The following MOCS1 variants were observed in gnomAD, a reference collection of about 807,000 sequenced individuals.
MOCS1 encodes the protein molybdenum cofactor biosynthesis protein 1.
In MOCS1, 39 loss-of-function variants were observed where a neutral mutation model predicts 57.6. The observed-to-expected ratio is 0.68, with a 90% CI of 0.52 to 0.88. The LOEUF is 0.88. MOCS1 is among the 40% of genes least tolerant of loss of function. MOCS1 has a pLI of 0.00. For synonymous variants in MOCS1, 334 were observed against 335.7 expected, an observed-to-expected ratio of 1.00 and a Z score of 0.05; for missense variants, 795 against 831.1, an observed-to-expected ratio of 0.96 and a Z score of 0.53.
chr6:39,933,617 C>G (rs974746618), intron 1 of MOCS1, among the ~76,000 whole-genome samples: 2 of 152,112 alleles, frequency 1.3e-5, no homozygotes, highest in Non-Finnish European at 2.9e-5. Context: ...ACAACCAAAA[C>G]CTAAAACTTT....
chr6:39,921,003 C>A (rs1316119282), intron 3 of MOCS1, among the ~76,000 whole-genome samples: 2 of 148,112 alleles, frequency 1.4e-5, no homozygotes, highest in Non-Finnish European at 3.0e-5. Context: ...GGGGACAGGG[C>A]AGCAAGAAAA....
intron 8 of MOCS1, among the ~76,000 whole-genome samples, chr6:39,911,606 C>T (rs138153299): frequency 1.3e-5 from 2 of 152,280 alleles, no homozygotes; most frequent in African/African-American, 4.8e-5. Context: ...GTAGTCTTCC[C>T]ATAGCTGACT....
chr6:39,912,431 A>C, intron 7 of MOCS1, 57 bp from the exon 8 acceptor site: 1 of 1,218,644 alleles, frequency 8.2e-7, no homozygotes, highest in Non-Finnish European at 1.2e-6. Flanking sequence ...TACTGAGCCC[A>C]GTTTCTCACT....
At chr6:39,907,236 A>G in intron 10 of MOCS1, 119 bp from the exon 11 acceptor site, 1 of 1,111,452 alleles carries the variant, frequency 9.0e-7, no homozygotes, top group Non-Finnish European at 1.2e-6. Flanking sequence ...CCGGGGAAAG[A>G]GGAATGAAGA....
At chr6:39,915,963 G>A in intron 4 of MOCS1, 105 bp downstream of exon 4, 12 of 1,290,028 alleles carry the variant, frequency 9.3e-6, no homozygotes, top group Non-Finnish European at 1.3e-5. Context: ...TGATAGCCCA[G>A]ACACCAAGAG....
At chr6:39,907,327 AC>A (rs36056066) in intron 10 of MOCS1, among the ~76,000 whole-genome samples, 19,381 of 151,888 alleles carry the variant, frequency 0.13, 1,582 homozygotes, top group East Asian at 0.23. Flanking sequence ...AGCCCTTCTC[AC>A]CCAGTGATGT....
chr6:39,927,597 TG>T, intron 1 of MOCS1, 142 bp from the exon 2 acceptor site: 2 of 1,604,240 alleles, frequency 1.2e-6, no homozygotes. Flanking sequence ...TCTGCAATGT[TG>T]GGGAAGCTGG....
At chr6:39,931,055 T>G (rs536047954) in intron 1 of MOCS1, among the ~76,000 whole-genome samples, 2 of 152,294 alleles carry the variant, frequency 1.3e-5, no homozygotes, top group East Asian at 3.9e-4. Context: ...TAACAGCAGA[T>G]GGCCAGAGGC....
rs1261423504 is a variant in MOCS1 at position 39,934,367 on chromosome 6, G to T, written c.51C>A (p.Ser17Arg). Residue 17 changes from serine to arginine, a missense_variant, in exon 1 of 11, where the codon AGC becomes AGA. Coordinates refer to ENST00000340692, the MANE Select transcript of MOCS1 (RefSeq NM_001358530.2). ...SRMLRRLLRS[S>R]ARSCSSGAPV... The stretch of plus-strand genomic sequence containing the variant: ...GAGCCCCTGAGCTGCAGCTCCGGGC[G>T]CTGGACCTCAGAAGCCGCCGCAGCA... 1.9e-6 allele frequency: 3 copies of T among 1,557,516 alleles called. No homozygotes were observed. The highest frequency in any genetic ancestry group is 2.6e-6 in the Non-Finnish European group (3 of 1,156,206).
rs184315150 is a variant in MOCS1 at position 39,905,880 on chromosome 6, G to A, written c.*477C>T. 935 of 469,946 alleles carry A rather than the reference G, an allele frequency of 2.0e-3. 2 individuals carry two copies. The highest frequency in any genetic ancestry group is 3.1e-3 in the Non-Finnish European group (699 of 227,390). 29.1% of individuals were successfully genotyped at this position (469,946 alleles called of 1,614,324 possible). A position where few individuals can be genotyped will look rare whatever the true frequency, so the allele number is the denominator to read the frequency against. ...ACAGACTTAGGGAGGCAGAGCTGCC[G>A]GGGAGAAGTTGGGATCCATTCTTCA... is the stretch of plus-strand genomic sequence containing the variant. On this transcript the variant is annotated 3_prime_UTR_variant, in exon 11 of 11. Coordinates refer to ENST00000340692, the MANE Select transcript of MOCS1 (RefSeq NM_001358530.2).
Position 39,925,845 on chromosome 6 carries a change from C to T in MOCS1, c.251G>A (p.Cys84Tyr). The T allele has an allele frequency of 6.2e-7, 1 of 1,607,438 alleles. No homozygotes were observed. Among genetic ancestry groups the T allele is most frequent in the Non-Finnish European group, 8.5e-7 (1 of 1,175,966 alleles). The change falls in exon 3 of 11, where the codon TGT becomes TAT. Residue 84 changes from cysteine (C) to tyrosine (Y), a missense_variant and splice_region_variant. Coordinates refer to ENST00000340692, the MANE Select transcript of MOCS1 (RefSeq NM_001358530.2). ...ISLTEKCNLR[C>Y]QYCMPEEGVP... Reference sequence around the variant, plus strand: ...CCCCTCCTCGGGCATGCAGTACTGACCTGAGGGAAGGATGAATGGGAATGT... The same window carrying T: ...CCCCTCCTCGGGCATGCAGTACTGATCTGAGGGAAGGATGAATGGGAATGT...
intron 3 of MOCS1, among the ~76,000 whole-genome samples, chr6:39,924,727 A>G (rs997200293): frequency 2.0e-5 from 3 of 152,250 alleles, no homozygotes; most frequent in Non-Finnish European, 4.4e-5. Flanking sequence ...ATAGGATTTT[A>G]TAATTTTCGT....
chr6:39,905,331 T>TAC lies in MOCS1; in HGVS notation c.*1024_*1025dup. The stretch of plus-strand genomic sequence containing the variant: ...TTAGATGGTGCATTTCTATGCCCCC[T>TAC]ACTCCACTTTATTTTCCCATAGCGG... On this transcript the variant is annotated 3_prime_UTR_variant, in exon 11 of 11. Coordinates refer to ENST00000340692, the MANE Select transcript of MOCS1 (RefSeq NM_001358530.2). The TAC allele has an allele frequency of 2.2e-6, 1 of 457,240 alleles. No individual in the cohort carries two copies. The allele number at this position is 457,240 out of a possible 1,614,324, so 28.3% of individuals were successfully genotyped here.
intron 1 of MOCS1, among the ~76,000 whole-genome samples, chr6:39,933,783 A>T: frequency 6.6e-6 from 1 of 152,126 alleles, no homozygotes; most frequent in East Asian, 1.9e-4. Context: ...TTAATAAAAA[A>T]GACAAGGAGA....
chr6:39,904,181 T>C lies in MOCS1; in HGVS notation c.*2176A>G. On this transcript the variant is annotated 3_prime_UTR_variant, in exon 11 of 11. Coordinates refer to ENST00000340692, the MANE Select transcript of MOCS1 (RefSeq NM_001358530.2). ...GACTATGGAAGCTGTTCAAGATACA[T>C]TTGATCTTCAGAAAAGCAGAATTTG... is the stretch of plus-strand genomic sequence containing the variant. The C allele has an allele frequency of 2.2e-6, 1 of 456,678 alleles. No homozygotes were observed. Among genetic ancestry groups the C allele is most frequent in the Non-Finnish European group, 4.4e-6 (1 of 226,968 alleles). 28.3% of individuals were successfully genotyped at this position (456,678 alleles called of 1,614,324 possible).
chr6:39,905,294 A>AAAAG lies in MOCS1; in HGVS notation c.*1059_*1062dup, dbSNP rs1196809546. 13 of 455,072 alleles carry AAAAG rather than the reference A, an allele frequency of 2.9e-5. No homozygotes were observed. Among genetic ancestry groups the AAAAG allele is most frequent in the African/African-American group, 8.0e-5 (4 of 50,026 alleles). 28.2% of individuals were successfully genotyped at this position (455,072 alleles called of 1,614,324 possible). On this transcript the variant is annotated 3_prime_UTR_variant, in exon 11 of 11. Coordinates refer to ENST00000340692, the MANE Select transcript of MOCS1 (RefSeq NM_001358530.2). ...TGAACACCCCTGGCCACCACCTGACAAAAGATTTCCCTTAGATGGTGCATT... is the reference window on the plus strand; with the variant it reads ...TGAACACCCCTGGCCACCACCTGACAAAAGAAAGATTTCCCTTAGATGGTGCATT...
chr6:39,919,349 G>T (rs1229384358), intron 3 of MOCS1, among the ~76,000 whole-genome samples: 1 of 152,094 alleles, frequency 6.6e-6, no homozygotes, highest in East Asian at 1.9e-4. Context: ...GCCAGGTGTG[G>T]TGGTGGCATA....
intron 3 of MOCS1, among the ~76,000 whole-genome samples, chr6:39,916,932 AGGAG>A (rs1452005757): frequency 6.6e-6 from 1 of 152,214 alleles, no homozygotes; most frequent in Non-Finnish European, 1.5e-5. Context: ...TCACATGTAC[AGGAG>A]CAGAGGGGTC....
Position 39,906,534 on chromosome 6 carries a change from C to G in MOCS1, c.1734G>C (p.Gln578His). 1 of 1,613,934 alleles carries G rather than the reference C, an allele frequency of 6.2e-7. No homozygotes were observed. The highest frequency in any genetic ancestry group is 8.5e-7 in the Non-Finnish European group (1 of 1,180,050). Residue 578 changes from glutamine (Q) to histidine (H), a missense_variant, in exon 11 of 11, where the codon CAG becomes CAC. This residue lies in a region of MOCS1 where 374 missense variants were observed against 422.6 expected (regional missense o/e 0.89). Transcript: ENST00000340692. ...TGGGGCCCCGAGCCCGGCAAGATGCCTGGATCTTCACGGCATGGCGTGTGC... is the reference window on the plus strand; with the variant it reads ...TGGGGCCCCGAGCCCGGCAAGATGCGTGGATCTTCACGGCATGGCGTGTGC... ...LDSTRHAVKI[Q>H]ASCRARGPTG...
Sources: allele counts gnomAD v4.1 joint callset (sites outside exome capture counted in the v4.1 genomes callset), GRCh38; gene constraint gnomAD v4.1.1; regional missense constraint gnomAD v4.1.1; transcripts MANE v1.5; gene names NCBI Gene and HGNC (gene_info 2026-07-23, HGNC 2026-07-21).